CLNK: variants seen among roughly 807,000 people sequenced by gnomAD.
CLNK encodes cytokine-dependent hematopoietic cell linker.
A neutral mutation model predicts 68.6 loss-of-function variants in CLNK; 74 were observed. The observed-to-expected ratio is 1.08, with a 90% CI of 0.89 to 1.31. CLNK has a LOEUF of 1.31. Among genes scored for constraint, CLNK ranks in the 50% most tolerant of loss-of-function variants. The pLI is 0.00. For missense variants in CLNK, 553 were observed against 515.3 expected, an observed-to-expected ratio of 1.07 and a Z score of -0.71; for synonymous variants, 198 against 172.2, an observed-to-expected ratio of 1.15 and a Z score of -1.17.
chr4:10,493,691 C>G (rs569116149), intron 18 of CLNK, among the ~76,000 whole-genome samples: 4 of 147,562 alleles, frequency 2.7e-5, no homozygotes, highest in Admixed American at 2.6e-4. Context: ...CTACCTGATG[C>G]TAAGGTAAGG....
intron 16 of CLNK, 72 bp downstream of exon 16, chr4:10,513,392 G>C (rs1402098693): frequency 7.2e-7 from 1 of 1,392,424 alleles, no homozygotes; most frequent in East Asian, 2.5e-5. Flanking sequence ...CTCCTTTTGG[G>C]CATTGTTCAG....
intron 15 of CLNK, among the ~76,000 whole-genome samples, chr4:10,515,487 T>A (rs1717798918): frequency 6.6e-6 from 1 of 151,784 alleles, no homozygotes; most frequent in Non-Finnish European, 1.5e-5. Context: ...CTTCAAAAAA[T>A]GAAACATCAT....
chr4:10,636,347 G>A (rs2108872088), intron 2 of CLNK, among the ~76,000 whole-genome samples: 1 of 152,258 alleles, frequency 6.6e-6, no homozygotes, highest in South Asian at 2.1e-4. Flanking sequence ...GAGAAAAGAT[G>A]GCCATGTAAC....
the CLNK span, among the ~76,000 whole-genome samples, chr4:10,724,263 T>C: frequency 6.6e-6 from 1 of 152,188 alleles, no homozygotes; most frequent in Non-Finnish European, 1.5e-5. Flanking sequence ...TTCTGCTGGA[T>C]ACCTGCATGG....
At chr4:10,643,779 G>A (rs573415659) in intron 2 of CLNK, among the ~76,000 whole-genome samples, 3 of 152,236 alleles carry the variant, frequency 2.0e-5, no homozygotes, top group Admixed American at 2.0e-4. Context: ...TGTCCCAGAG[G>A]GAAATTCCAC....
At chr4:10,616,703 T>A (rs764637665) in intron 2 of CLNK, among the ~76,000 whole-genome samples, 1 of 151,672 alleles carries the variant, frequency 6.6e-6, no homozygotes, top group African/African-American at 2.4e-5. Context: ...ACTGCATATT[T>A]CATTATTATT....
chr4:10,698,936 C>A, the CLNK span, among the ~76,000 whole-genome samples: 1 of 152,052 alleles, frequency 6.6e-6, no homozygotes, highest in Non-Finnish European at 1.5e-5. Context: ...TTTGTCATGG[C>A]GGCTTGAGTG....
upstream of CLNK, among the ~76,000 whole-genome samples, chr4:10,688,901 G>GA (rs1725361066): frequency 6.6e-6 from 1 of 151,542 alleles, no homozygotes. Context: ...TCACAAGAAA[G>GA]AAAAAAATAG....
intron 2 of CLNK, among the ~76,000 whole-genome samples, chr4:10,634,616 G>A (rs1723011341): frequency 6.6e-6 from 1 of 152,196 alleles, no homozygotes; most frequent in Non-Finnish European, 1.5e-5. Context: ...AGTACTTTCA[G>A]TTGCCCTATT....
At chr4:10,580,547 A>C (rs1720740311) in intron 4 of CLNK, among the ~76,000 whole-genome samples, 2 of 152,168 alleles carry the variant, frequency 1.3e-5, no homozygotes, top group Admixed American at 6.5e-5. Context: ...TGGAGGCGGA[A>C]GGCAGTGATA....
the CLNK span, among the ~76,000 whole-genome samples, chr4:10,727,135 G>A: frequency 0.43 from 65,467 of 151,998 alleles, 14,888 homozygotes; most frequent in East Asian, 0.69. Context: ...AACCGTAAAA[G>A]TATTGAAATT....
intron 5 of CLNK, among the ~76,000 whole-genome samples, 159 bp from the exon 6 acceptor site, chr4:10,566,309 T>C (rs1720112454): frequency 6.6e-6 from 1 of 152,230 alleles, no homozygotes; most frequent in African/African-American, 2.4e-5. Context: ...TTAATTCTTG[T>C]GCTAGTGAGA....
At chr4:10,551,605 A>G (rs972280171) in intron 8 of CLNK, among the ~76,000 whole-genome samples, 4 of 152,106 alleles carry the variant, frequency 2.6e-5, no homozygotes, top group South Asian at 2.1e-4. Context: ...ATCATGCAAT[A>G]ACACTATGAA....
rs1720032135 is a variant in CLNK, at chr4:10,564,679, A to G, written c.391T>C (p.Leu131=). The G allele has an allele frequency of 1.2e-6, 2 of 1,609,952 alleles. No homozygotes were observed. The highest frequency in any genetic ancestry group is 8.5e-7 in the Non-Finnish European group (1 of 1,176,372). The change falls in exon 7 of 19, where the codon TTG becomes CTG. Residue 131 remains leucine, a synonymous_variant. Transcript: ENST00000226951. Reference sequence around the variant, plus strand: ...GTCCAGTCTTTACTCACTCTTTCCAACCTCGTCTGTGTGTTCCAGGTCGGC... The same window carrying G: ...GTCCAGTCTTTACTCACTCTTTCCAGCCTCGTCTGTGTGTTCCAGGTCGGC... The part of the protein sequence containing the change: ...GQPTWNTQTR[L]ERVDKPISKD...
intron 4 of CLNK, among the ~76,000 whole-genome samples, chr4:10,582,210 T>A (rs1365651252): frequency 1.3e-5 from 2 of 152,162 alleles, no homozygotes; most frequent in African/African-American, 2.4e-5. Flanking sequence ...ACCAGGAGGA[T>A]CCAGCCTCTG....
chr4:10,650,743 A>T (rs1406642345), intron 2 of CLNK, among the ~76,000 whole-genome samples: 1 of 152,168 alleles, frequency 6.6e-6, no homozygotes, highest in Non-Finnish European at 1.5e-5. Context: ...TGTTCTTCAT[A>T]CTGAAAAATG....
intron 2 of CLNK, among the ~76,000 whole-genome samples, chr4:10,618,670 G>A (rs969203517): frequency 1.3e-5 from 2 of 152,188 alleles, no homozygotes; most frequent in African/African-American, 4.8e-5. Flanking sequence ...GGAGGCCTCA[G>A]GAAACTTACA....
chr4:10,589,075 A>C (rs1721088074), intron 3 of CLNK, among the ~76,000 whole-genome samples: 1 of 152,218 alleles, frequency 6.6e-6, no homozygotes, highest in African/African-American at 2.4e-5. Flanking sequence ...TAAGAGAGTA[A>C]ATCTTATATT....
chr4:10,685,662 C>G (rs1414722391), upstream of CLNK, among the ~76,000 whole-genome samples: 1 of 152,080 alleles, frequency 6.6e-6, no homozygotes, highest in Non-Finnish European at 1.5e-5. Context: ...GGGTAAATAA[C>G]TCTGGTTTTG....
Sources: allele counts gnomAD v4.1 joint callset (sites outside exome capture counted in the v4.1 genomes callset), GRCh38; gene constraint gnomAD v4.1.1; transcripts MANE v1.5; gene names NCBI Gene and HGNC (gene_info 2026-07-23, HGNC 2026-07-21).